Variants in NAALADL2 observed in about 807,000 individuals in gnomAD.
The protein encoded by NAALADL2 is inactive N-acetylated-alpha-linked acidic dipeptidase-like protein 2.
A neutral mutation model predicts 87.2 loss-of-function variants in NAALADL2; 76 were observed. The ratio of observed to expected loss-of-function variants is 0.87; its 90% confidence interval spans 0.72 to 1.05. The LOEUF is 1.05. Ranked by LOEUF, NAALADL2 falls within the 50% of genes least tolerant of loss-of-function variation. The pLI, the probability that NAALADL2 is intolerant of heterozygous loss-of-function variation, is 0.00. For synonymous variants in NAALADL2, 354 were observed against 331.0 expected, an observed-to-expected ratio of 1.07 and a Z score of -0.75; for missense variants, 1,089 against 945.8, an observed-to-expected ratio of 1.15 and a Z score of -1.99.
chr3:174,888,281 C>A (rs987096109), intron 1 of NAALADL2, among the ~76,000 whole-genome samples: 2 of 152,124 alleles, frequency 1.3e-5, no homozygotes, highest in Non-Finnish European at 2.9e-5. Flanking sequence ...TGCAGCCTTA[C>A]AAATTTGAAT....
chr3:175,361,627 G>A (rs986787531), intron 5 of NAALADL2, among the ~76,000 whole-genome samples: 8 of 148,382 alleles, frequency 5.4e-5, no homozygotes, highest in African/African-American at 2.0e-4. Context: ...GTGATGATGA[G>A]CATTTTTTCA....
chr3:174,453,143 C>G (rs902611694), intron 1 of NAALADL2, among the ~76,000 whole-genome samples: 1 of 152,038 alleles, frequency 6.6e-6, no homozygotes, highest in Non-Finnish European at 1.5e-5. Context: ...AATGCAATCA[C>G]AAGTATTAAT....
chr3:174,679,532 T>C (rs1469549929), intron 2 of NAALADL2, among the ~76,000 whole-genome samples: 1 of 152,194 alleles, frequency 6.6e-6, no homozygotes, highest in African/African-American at 2.4e-5. Flanking sequence ...ATTGTATTTC[T>C]ATTGAATATT....
chr3:174,769,426 G>A (rs1714251136), intron 3 of NAALADL2, among the ~76,000 whole-genome samples: 1 of 151,958 alleles, frequency 6.6e-6, no homozygotes, highest in African/African-American at 2.4e-5. Context: ...AGTTACACAT[G>A]TAAACTACTT....
intron 1 of NAALADL2, among the ~76,000 whole-genome samples, chr3:175,041,561 C>G (rs144827332): frequency 2.4e-4 from 37 of 152,236 alleles, no homozygotes; most frequent in Non-Finnish European, 4.0e-4. Flanking sequence ...CTCAGACAAA[C>G]ATCCTGCAAA....
intron 11 of NAALADL2, among the ~76,000 whole-genome samples, chr3:175,723,630 T>TA (rs1251511471): frequency 6.6e-6 from 1 of 152,116 alleles, no homozygotes; most frequent in African/African-American, 2.4e-5. Context: ...GGTGTTTCTC[T>TA]AAAAAAATCT....
chr3:175,807,353 A>G lies in NAALADL2; in HGVS notation c.*4150A>G, dbSNP rs1227094969. Reference sequence around the variant, plus strand: ...ATAAAATAAATGATTATTTGTGACCATGTTACTAATGATGAATCAGCATCT... The same window carrying G: ...ATAAAATAAATGATTATTTGTGACCGTGTTACTAATGATGAATCAGCATCT... On this transcript the variant is annotated 3_prime_UTR_variant, in exon 14 of 14. Coordinates refer to ENST00000454872, the MANE Select transcript of NAALADL2 (RefSeq NM_207015.3). The G allele has an allele frequency of 6.6e-6, 1 of 151,974 alleles. No individual in the cohort carries two copies. Among genetic ancestry groups the G allele is most frequent in the African/African-American group, 2.4e-5 (1 of 41,440 alleles). The allele number at this position is 151,974 out of a possible 1,614,324, so 9.4% of individuals were successfully genotyped here. A position where few individuals can be genotyped will look rare whatever the true frequency, so the allele number is the denominator to read the frequency against.
At chr3:175,385,672 G>A (rs144597598) in intron 5 of NAALADL2, among the ~76,000 whole-genome samples, 1 of 152,050 alleles carries the variant, frequency 6.6e-6, no homozygotes, top group East Asian at 1.9e-4. Flanking sequence ...TTCAGGTGAC[G>A]GGTCTCCCAA....
intron 2 of NAALADL2, among the ~76,000 whole-genome samples, chr3:175,219,364 T>A (rs1173430995): frequency 6.6e-6 from 1 of 152,168 alleles, no homozygotes; most frequent in East Asian, 1.9e-4. Context: ...ACCTTAAATC[T>A]TTTTGCCATT....
At chr3:175,686,571 C>G (rs1432567890) in intron 11 of NAALADL2, among the ~76,000 whole-genome samples, 1 of 151,550 alleles carries the variant, frequency 6.6e-6, no homozygotes, top group East Asian at 1.9e-4. Flanking sequence ...ATTAAAAGTT[C>G]AACTTTTAAT....
At chr3:174,899,273 TAGAA>T (rs1241886400) in intron 1 of NAALADL2, among the ~76,000 whole-genome samples, 1 of 152,132 alleles carries the variant, frequency 6.6e-6, no homozygotes, top group Non-Finnish European at 1.5e-5. Context: ...GAGTAATATA[TAGAA>T]AGAGAAAGGA....
intron 9 of NAALADL2, among the ~76,000 whole-genome samples, chr3:175,534,919 C>T (rs542380279): frequency 2.0e-5 from 3 of 151,548 alleles, no homozygotes; most frequent in African/African-American, 7.3e-5. Context: ...AAAAAAAGAA[C>T]ATATCCTTTA....
At chr3:174,910,253 C>A (rs1423635582) in intron 1 of NAALADL2, among the ~76,000 whole-genome samples, 1 of 151,824 alleles carries the variant, frequency 6.6e-6, no homozygotes, top group Non-Finnish European at 1.5e-5. Flanking sequence ...AATTAACAAT[C>A]CAGATTTTTC....
chr3:175,091,089 C>T (rs1720033051), intron 1 of NAALADL2, among the ~76,000 whole-genome samples: 1 of 152,000 alleles, frequency 6.6e-6, no homozygotes, highest in Non-Finnish European at 1.5e-5. Flanking sequence ...TTAAAGCTTT[C>T]AACAACAAAA....
At chr3:175,141,147 T>C (rs1729933239) in intron 2 of NAALADL2, among the ~76,000 whole-genome samples, 1 of 152,170 alleles carries the variant, frequency 6.6e-6, no homozygotes, top group Non-Finnish European at 1.5e-5. Context: ...GTTCAGCACA[T>C]GGCTTCCTGT....
intron 5 of NAALADL2, among the ~76,000 whole-genome samples, chr3:175,441,188 G>A (rs978422322): frequency 6.6e-6 from 1 of 151,492 alleles, no homozygotes; most frequent in Admixed American, 6.6e-5. Context: ...GAAAGTATTT[G>A]GGGAAAAAAA....
At chr3:175,388,763 G>T (rs2149011453) in intron 5 of NAALADL2, among the ~76,000 whole-genome samples, 1 of 152,044 alleles carries the variant, frequency 6.6e-6, no homozygotes, top group Non-Finnish European at 1.5e-5. Flanking sequence ...TTTCTTAGTG[G>T]ATTGGTCATT....
chr3:175,360,735 CTCTT>C (rs1019849946), intron 5 of NAALADL2, among the ~76,000 whole-genome samples: 1 of 151,566 alleles, frequency 6.6e-6, no homozygotes, highest in Admixed American at 6.6e-5. Context: ...ATTGGTATAA[CTCTT>C]TCTTCATTTA....
At chr3:174,640,208 C>A (rs1723031477) in intron 2 of NAALADL2, among the ~76,000 whole-genome samples, 2 of 152,214 alleles carry the variant, frequency 1.3e-5, no homozygotes, top group African/African-American at 4.8e-5. Flanking sequence ...GACTAATGCT[C>A]TTAGCTCCTG....
Sources: allele counts gnomAD v4.1 joint callset (sites outside exome capture counted in the v4.1 genomes callset), GRCh38; gene constraint gnomAD v4.1.1; transcripts MANE v1.5; gene names NCBI Gene and HGNC (gene_info 2026-07-23, HGNC 2026-07-21).